The following R3HCC1L variants were observed in gnomAD, a reference collection of about 807,000 sequenced individuals.
R3HCC1L encodes the protein coiled-coil domain-containing protein R3HCC1L.
In R3HCC1L, 51 loss-of-function variants were observed where a neutral mutation model predicts 59.9. The ratio of observed to expected loss-of-function variants is 0.85; its 90% CI spans 0.68 to 1.07. R3HCC1L has a LOEUF of 1.07. R3HCC1L is among the 50% of genes least tolerant of loss of function. R3HCC1L has a pLI of 0.00. For synonymous variants in R3HCC1L, 322 were observed against 315.2 expected, an observed-to-expected ratio of 1.02 and a Z score of -0.23; for missense variants, 965 against 933.0, an observed-to-expected ratio of 1.03 and a Z score of -0.45.
At chr10:98,240,032 A>C (rs766752732) in intron 9 of R3HCC1L, among the ~76,000 whole-genome samples, 4 of 152,214 alleles carry the variant, frequency 2.6e-5, no homozygotes, top group African/African-American at 4.8e-5. Flanking sequence ...AGGGCCAGGC[A>C]TGGTGGCTCA....
At position 98,208,285 on chromosome 10, in the gene R3HCC1L, C is replaced by T; in HGVS notation, c.171C>T (p.Ser57=). ...VKEKQKESSL[S]QKEVFKDKPE... ...AAAAGCAAAAAGAAAGTTCTCTCTC[C>T]CAAAAAGAAGTCTTTAAAGACAAAC... The change falls in exon 5 of 10, where the codon TCC becomes TCT. Residue 57 remains serine (S), a synonymous_variant. Transcript: ENST00000298999. The T allele has an allele frequency of 6.2e-7, 1 of 1,613,930 alleles. No homozygotes were observed. The highest frequency in any genetic ancestry group is 8.5e-7 in the Non-Finnish European group (1 of 1,179,982).
At chr10:98,167,942 TC>T (rs1848119447) in intron 4 of R3HCC1L, among the ~76,000 whole-genome samples, 1 of 152,172 alleles carries the variant, frequency 6.6e-6, no homozygotes, top group Admixed American at 6.6e-5. Context: ...GGAAAAGAAA[TC>T]AAGTTTAATG....
intron 5 of R3HCC1L, among the ~76,000 whole-genome samples, chr10:98,228,171 A>G (rs1197926856): frequency 6.6e-6 from 1 of 152,172 alleles, no homozygotes; most frequent in African/African-American, 2.4e-5. Flanking sequence ...GTCTTCCACA[A>G]TGGTTGAACC....
At chr10:98,163,154 C>T (rs1022959425) in intron 3 of R3HCC1L, 139 bp from the exon 4 acceptor site, 4 of 330,984 alleles carry the variant, frequency 1.2e-5, no homozygotes, top group African/African-American at 2.1e-5. Context: ...TGTGTGTCTT[C>T]ATTGCACATT....
At chr10:98,186,720 C>A (rs935328723) in intron 4 of R3HCC1L, among the ~76,000 whole-genome samples, 2 of 152,092 alleles carry the variant, frequency 1.3e-5, no homozygotes, top group Admixed American at 6.6e-5. Flanking sequence ...GATTTCAGTG[C>A]TTAAGGTGGG....
intron 2 of R3HCC1L, among the ~76,000 whole-genome samples, chr10:98,158,994 CAG>C (rs1489650451): frequency 6.6e-6 from 1 of 151,874 alleles, no homozygotes; most frequent in African/African-American, 2.4e-5. Flanking sequence ...TTTGTAGAGA[CAG>C]ATTCTCCCTG....
intron 1 of R3HCC1L, among the ~76,000 whole-genome samples, chr10:98,137,779 T>A (rs1457762087): frequency 2.6e-5 from 4 of 152,238 alleles, no homozygotes; most frequent in Non-Finnish European, 5.9e-5. Flanking sequence ...GTAGTAAGAA[T>A]GCAATTCTGT....
At chr10:98,149,455 T>G (rs1845946729) in intron 1 of R3HCC1L, among the ~76,000 whole-genome samples, 1 of 152,198 alleles carries the variant, frequency 6.6e-6, no homozygotes, top group Non-Finnish European at 1.5e-5. Context: ...TTTGAAGTCT[T>G]TCTGCTTTTT....
intron 5 of R3HCC1L, among the ~76,000 whole-genome samples, chr10:98,211,887 T>C (rs1007362245): frequency 6.6e-6 from 1 of 152,108 alleles, no homozygotes; most frequent in African/African-American, 2.4e-5. Flanking sequence ...AGGTGTAAGA[T>C]AATTTAGGCA....
rs1033583386 is a variant in R3HCC1L, at chr10:98,134,711, C to T, written c.-268+5C>T. ...GCGGAGAGCAACAGCGCGCCGGTAA[C>T]AACCAGCCCCGTATCCCCTCCCTCT... On this transcript the variant is annotated splice_donor_5th_base_variant and intron_variant, in intron 1 of 9. Transcript: ENST00000298999. The T allele has an allele frequency of 6.6e-6, 1 of 152,296 alleles. No individual in the cohort carries two copies. Among genetic ancestry groups the T allele is most frequent in the African/African-American group, 2.4e-5 (1 of 41,478 alleles). 9.4% of individuals were successfully genotyped at this position (152,296 alleles called of 1,614,324 possible). A position where few individuals can be genotyped will look rare whatever the true frequency, so the allele number is the denominator to read the frequency against.
intron 4 of R3HCC1L, among the ~76,000 whole-genome samples, chr10:98,175,147 A>G (rs1396686841): frequency 6.6e-6 from 1 of 152,162 alleles, no homozygotes; most frequent in Admixed American, 6.5e-5. Context: ...CTATGGCCTC[A>G]AGATTTAAGA....
At chr10:98,176,891 C>G (rs1045889210) in intron 4 of R3HCC1L, among the ~76,000 whole-genome samples, 1 of 151,758 alleles carries the variant, frequency 6.6e-6, no homozygotes, top group Non-Finnish European at 1.5e-5. Context: ...AGGAAGTTCT[C>G]CTATTCCTAG....
chr10:98,137,694 C>A (rs1473859860), intron 1 of R3HCC1L, among the ~76,000 whole-genome samples: 1 of 151,966 alleles, frequency 6.6e-6, no homozygotes, highest in Non-Finnish European at 1.5e-5. Context: ...TGCTGTGTTT[C>A]TGTTTTTCTA....
chr10:98,163,576 A>G (rs1453986494), intron 4 of R3HCC1L, among the ~76,000 whole-genome samples, 179 bp downstream of exon 4: 3 of 152,190 alleles, frequency 2.0e-5, no homozygotes, highest in Admixed American at 6.5e-5. Flanking sequence ...TCTTACTTCT[A>G]TTTACTATCT....
At chr10:98,241,650 C>T (rs985958672) in intron 9 of R3HCC1L, among the ~76,000 whole-genome samples, 1 of 152,110 alleles carries the variant, frequency 6.6e-6, no homozygotes, top group South Asian at 2.1e-4. Context: ...TATCTGCTTT[C>T]CTTTCTCTTT....
At chr10:98,243,959 C>T in intron 9 of R3HCC1L, 132 bp from the exon 10 acceptor site, 4 of 667,756 alleles carry the variant, frequency 6.0e-6, no homozygotes, top group Non-Finnish European at 1.0e-5. Flanking sequence ...GGAATTAACT[C>T]TTGTTATCAG....
intron 4 of R3HCC1L, among the ~76,000 whole-genome samples, chr10:98,179,751 G>A (rs1300141188): frequency 1.3e-5 from 2 of 152,048 alleles, no homozygotes; most frequent in African/African-American, 4.8e-5. Context: ...GCCTGTTACT[G>A]GTCTATTCAG....
chr10:98,174,927 C>T (rs1848854975), intron 4 of R3HCC1L, among the ~76,000 whole-genome samples: 1 of 152,084 alleles, frequency 6.6e-6, no homozygotes, highest in Admixed American at 6.6e-5. Flanking sequence ...CTCTTTTCCT[C>T]TGTAGTTCAA....
intron 4 of R3HCC1L, among the ~76,000 whole-genome samples, chr10:98,172,291 AGCT>A (rs1291601717): frequency 6.6e-6 from 1 of 152,202 alleles, no homozygotes; most frequent in East Asian, 1.9e-4. Context: ...CTTTTCAAGT[AGCT>A]GCTAGGAATG....
Sources: allele counts gnomAD v4.1 joint callset (sites outside exome capture counted in the v4.1 genomes callset), GRCh38; gene constraint gnomAD v4.1.1; transcripts MANE v1.5; gene names NCBI Gene and HGNC (gene_info 2026-07-23, HGNC 2026-07-21).